The following CD200 variants were observed in gnomAD, a reference collection of about 807,000 sequenced individuals.
CD200 encodes the protein OX-2 membrane glycoprotein.
CD200 carries 15 observed loss-of-function variants against 30.9 expected under a neutral mutation model. The observed-to-expected ratio is 0.49, with a 90% confidence interval of 0.32 to 0.75. The LOEUF (loss-of-function observed/expected upper bound fraction) is 0.75. CD200 is among the 30% of genes least tolerant of loss of function. The pLI, the probability that CD200 is intolerant of heterozygous loss-of-function variation, is 0.03. For missense variants in CD200, 262 were observed against 324.2 expected, an observed-to-expected ratio of 0.81 and a Z score of 1.47; for synonymous variants, 134 against 126.2, an observed-to-expected ratio of 1.06 and a Z score of -0.41.
chr3:112,349,620 A>G, intron 4 of CD200, 92 bp from the exon 5 acceptor site: 1 of 935,162 alleles, frequency 1.1e-6, no homozygotes, highest in Admixed American at 2.7e-5. Flanking sequence ...GTATGTATTT[A>G]AGGATAATTT....
rs767818592 is a variant in CD200 at position 112,345,012 on chromosome 3, T to A, written c.145T>A (p.Leu49Ile). 3 of 1,614,136 alleles carry A rather than the reference T, an allele frequency of 1.9e-6. No individual in the cohort carries two copies. Among genetic ancestry groups the A allele is most frequent in the Non-Finnish European group, 2.5e-6 (3 of 1,179,992 alleles). ...EREQLYTPAS[L>I]KCSLQNAQEA... is the part of the protein sequence containing the mutation. ...AGAGCAGCTGTACACACCTGCTTCC[T>A]TAAAATGCTCTCTGCAAAATGCCCA... The change falls in exon 3 of 6, where the codon TTA (leucine) becomes ATA (isoleucine). Residue 49 changes from leucine (L) to isoleucine (I), a missense_variant. Transcript: ENST00000315711.
intron 4 of CD200, 143 bp from the exon 5 acceptor site, chr3:112,349,569 T>C: frequency 2.1e-6 from 1 of 472,608 alleles, no homozygotes. Context: ...TATCTAAATA[T>C]TATTAAAATA....
At position 112,335,786 on chromosome 3, in the gene CD200, A is replaced by C. The variant is rs966027254; in HGVS notation, c.12+2562A>C. ...GAATGCTGAAGAAGAGCCCTTTTCC[A>C]GCAGGCCAGTCTCTAACATGATCTT... On this transcript the variant is annotated intron_variant, in intron 1 of 5. Transcript: ENST00000315711. 6.0e-6 allele frequency: 4 copies of C among 666,934 alleles called. No homozygotes were observed. In the South Asian group the frequency reaches 6.4e-5, roughly 11 times the overall value. The allele number at this position is 666,934 out of a possible 1,614,324, so 41.3% of individuals were successfully genotyped here.
intron 5 of CD200, among the ~76,000 whole-genome samples, chr3:112,356,334 T>G (rs2081622728): frequency 7.8e-6 from 1 of 128,016 alleles, no homozygotes; most frequent in Non-Finnish European, 1.6e-5. Flanking sequence ...AAAATATTAC[T>G]TATTATGAAT....
intron 5 of CD200, among the ~76,000 whole-genome samples, chr3:112,361,330 G>T (rs911149933): frequency 3.9e-5 from 6 of 152,162 alleles, no homozygotes; most frequent in African/African-American, 1.4e-4. Context: ...ACAGCCACAA[G>T]CCACTGCATC....
At chr3:112,337,502 G>T (rs1359969608) in intron 1 of CD200, among the ~76,000 whole-genome samples, 1 of 152,140 alleles carries the variant, frequency 6.6e-6, no homozygotes, top group Non-Finnish European at 1.5e-5. Context: ...AAATGAATTT[G>T]CAAGAATGAA....
In CD200 at chr3:112,357,271, AAAAG is replaced by A. The variant is rs566639470; in HGVS notation, c.803-4252_803-4249del. 3.2e-3 allele frequency among the ~76,000 whole-genome samples: 439 copies of A among 139,300 alleles called. 1 individual carries two copies. Among genetic ancestry groups the A allele is most frequent in the Middle Eastern group, 7.6e-3 (2 of 264 alleles). The allele number at this position is 139,300 out of a possible 152,430, so 91.4% of individuals were successfully genotyped here. A position where few individuals can be genotyped will look rare whatever the true frequency, so the allele number is the denominator to read the frequency against. ...GCGAGACTGTCTCAAAAAAAAAAAA[AAAAG>A]AAAGAAAGAAAGAAAGAAAAAGAAA... On this transcript the variant is annotated intron_variant, in intron 5 of 5. Coordinates refer to ENST00000315711, the MANE Select transcript of CD200 (RefSeq NM_005944.7).
intron 3 of CD200, 96 bp downstream of exon 3, chr3:112,345,384 C>A (rs1025489789): frequency 5.5e-5 from 53 of 969,266 alleles, no homozygotes; most frequent in Admixed American, 4.2e-4. Context: ...AGGATTTTAA[C>A]CACAGAAAGG....
At chr3:112,358,593 A>C (rs2081673686) in intron 5 of CD200, among the ~76,000 whole-genome samples, 1 of 152,204 alleles carries the variant, frequency 6.6e-6, no homozygotes, top group Non-Finnish European at 1.5e-5. Context: ...TCAAGGGTAG[A>C]GGGAGGGCAG....
In CD200 at chr3:112,347,751, G is replaced by A; in HGVS notation, c.615G>A (p.Lys205=). The A allele has an allele frequency of 6.2e-7, 1 of 1,613,974 alleles. No individual in the cohort carries two copies. The highest frequency in any genetic ancestry group is 1.1e-5 in the South Asian group (1 of 91,076). Residue 205 remains lysine, a synonymous_variant, in exon 4 of 6, where the codon AAG becomes AAA. Transcript: ENST00000315711. The stretch of plus-strand genomic sequence containing the variant: ...GCATCCTCCATATCAAAGACCCTAA[G>A]AATCAGGTGGGGAAGGAGGTGATCT... ...VTSILHIKDP[K]NQVGKEVICQ... is the part of the protein sequence containing the mutation.
intron 4 of CD200, 120 bp downstream of exon 4, chr3:112,347,950 C>G: frequency 1.1e-6 from 1 of 870,230 alleles, no homozygotes; most frequent in Non-Finnish European, 1.7e-6. Flanking sequence ...AAGAATGGGG[C>G]AAATAAGGAA....
intron 5 of CD200, among the ~76,000 whole-genome samples, chr3:112,358,718 C>T (rs1424294185): frequency 6.6e-6 from 1 of 152,150 alleles, no homozygotes; most frequent in Admixed American, 6.5e-5. Context: ...TCCCCATCAG[C>T]ACTGATTCAT....
At chr3:112,345,884 C>T (rs1270058961) in intron 3 of CD200, among the ~76,000 whole-genome samples, 2 of 152,096 alleles carry the variant, frequency 1.3e-5, no homozygotes, top group Admixed American at 6.6e-5. Flanking sequence ...TTTTAAAATC[C>T]AAGAGGCTTA....
At chr3:112,360,370 A>G (rs967557824) in intron 5 of CD200, among the ~76,000 whole-genome samples, 20 of 151,812 alleles carry the variant, frequency 1.3e-4, no homozygotes, top group African/African-American at 4.4e-4. Context: ...GAGCAGTGTT[A>G]CTCCCAATAT....
rs115833662 is a variant in CD200, at chr3:112,361,797, T to C, written c.*247T>C. On this transcript the variant is annotated 3_prime_UTR_variant, in exon 6 of 6. Transcript: ENST00000315711. ...GATTTTGTAAAGCAATGCCATGTTA[T>C]GTGGTTGAAAGGGCACTGGACTTAG... 3,333 of 575,184 alleles carry C rather than the reference T, an allele frequency of 5.8e-3. 68 individuals are homozygous for C. Among genetic ancestry groups the C allele is most frequent in the African/African-American group, 0.049 (2,622 of 53,374 alleles). The allele number at this position is 575,184 out of a possible 1,614,324, so 35.6% of individuals were successfully genotyped here. A position where few individuals can be genotyped will look rare whatever the true frequency, so the allele number is the denominator to read the frequency against.
At chr3:112,333,645 T>G in intron 1 of CD200, 1 of 985,356 alleles carries the variant, frequency 1.0e-6, no homozygotes, top group Non-Finnish European at 1.2e-6. Flanking sequence ...CTGTATTGGT[T>G]CCATATTGGC....
chr3:112,349,929 G>T (rs1025185586), intron 5 of CD200, 110 bp downstream of exon 5: 3 of 1,365,756 alleles, frequency 2.2e-6, no homozygotes, highest in Non-Finnish European at 1.9e-6. Flanking sequence ...AATGTGTTTT[G>T]TCTGTTGTTT....
Position 112,362,162 on chromosome 3 carries a change from T to C in CD200, c.*612T>C, listed in dbSNP as rs1477076430. On this transcript the variant is annotated 3_prime_UTR_variant, in exon 6 of 6. Coordinates refer to ENST00000315711, the MANE Select transcript of CD200 (RefSeq NM_005944.7). Reference sequence around the variant, plus strand: ...CTTACTGCTTTGCTAATAGCTGGCCTTGCTAGAATCCTTGGTTTCACTGCT... The same window carrying C: ...CTTACTGCTTTGCTAATAGCTGGCCCTGCTAGAATCCTTGGTTTCACTGCT... 1.3e-5 allele frequency: 2 copies of C among 152,288 alleles called. No individual in the cohort carries two copies. The highest frequency in any genetic ancestry group is 4.8e-5 in the African/African-American group (2 of 41,460). 9.4% of individuals were successfully genotyped at this position (152,288 alleles called of 1,614,324 possible).
upstream of CD200, chr3:112,333,086 G>A (rs538572687): frequency 7.1e-6 from 10 of 1,409,436 alleles, no homozygotes; most frequent in South Asian, 7.4e-5. Context: ...GTGGGAGAAG[G>A]GGGCTAGCGA....
Sources: gnomAD v4.1 joint callset for allele counts (sites outside exome capture counted in the v4.1 genomes callset) on GRCh38, gnomAD v4.1.1 for gene constraint, MANE v1.5 for transcripts, NCBI Gene and HGNC (gene_info 2026-07-23, HGNC 2026-07-21) for gene names.